CFAP70: variants seen among roughly 807,000 people sequenced by gnomAD.
CFAP70 encodes the protein cilia- and flagella-associated protein 70.
CFAP70 carries 81 observed loss-of-function variants against 137.6 expected under a neutral mutation model. The ratio of observed to expected loss-of-function variants is 0.59; its 90% CI spans 0.49 to 0.71. The LOEUF is 0.71. Among genes scored for constraint, CFAP70 ranks in the 30% least tolerant of loss-of-function variants. The pLI is 0.00. For synonymous variants in CFAP70, 382 were observed against 423.6 expected, an observed-to-expected ratio of 0.90 and a Z score of 1.20; for missense variants, 976 against 1,226.7, an observed-to-expected ratio of 0.80 and a Z score of 3.05.
chr10:73,358,711 T>C (rs2054870432), intron 1 of CFAP70, 67 bp downstream of exon 1: 1 of 152,414 alleles, frequency 6.6e-6, no homozygotes, highest in Non-Finnish European at 1.5e-5. Flanking sequence ...ATCACTGTCT[T>C]ACCTGCAGCA....
rs77159664 is a variant in CFAP70, at chr10:73,291,477, C to T, written c.2021-33G>A. The stretch of plus-strand genomic sequence containing the variant: ...AAGAAAAATGTTGAAATACATATGA[C>T]TATTTTCCCACTATCATATACTAAA... On this transcript the variant is annotated intron_variant, in intron 18 of 26. Transcript: ENST00000310715. 132 of 1,589,576 alleles carry T rather than the reference C, an allele frequency of 8.3e-5. No homozygotes were observed. In the East Asian group the frequency reaches 2.9e-3, roughly 35 times the overall value.
intron 6 of CFAP70, among the ~76,000 whole-genome samples, chr10:73,340,663 G>C (rs113794116): frequency 7.2e-5 from 11 of 152,186 alleles, no homozygotes; most frequent in African/African-American, 2.7e-4. Context: ...TCCCATGCTC[G>C]TGGGTGCCCA....
At chr10:73,341,068 G>A (rs1244654980) in intron 6 of CFAP70, among the ~76,000 whole-genome samples, 1 of 152,236 alleles carries the variant, frequency 6.6e-6, no homozygotes, top group African/African-American at 2.4e-5. Context: ...AGGGTAATGA[G>A]ATGGGGAGGA....
At chr10:73,312,623 C>A (rs1049348527) in exon 10 of CFAP70, 6 of 1,589,424 alleles carry the variant, frequency 3.8e-6, no homozygotes, top group Admixed American at 1.8e-5. Context: ...TATCCCGGAA[C>A]AAGCTCAATA....
At chr10:73,304,583 A>C (rs760490554) in intron 12 of CFAP70, among the ~76,000 whole-genome samples, 11 of 152,214 alleles carry the variant, frequency 7.2e-5, no homozygotes, top group Non-Finnish European at 1.6e-4. Context: ...AATAGCAAAA[A>C]TAAAAAAGTA....
intron 25 of CFAP70, among the ~76,000 whole-genome samples, chr10:73,264,835 C>T (rs568137360): frequency 6.6e-6 from 1 of 152,252 alleles, no homozygotes; most frequent in African/African-American, 2.4e-5. Flanking sequence ...TATGTGGTCT[C>T]CCCATTTCTT....
Position 73,349,059 on chromosome 10 carries a change from C to T in CFAP70, c.251-538G>A, listed in dbSNP as rs537486775. ...CTGGGCAACAAGAGGGAAACTCCGT[C>T]TCAAAAAAAAAAAAAAAAGTAACTG... On this transcript the variant is annotated intron_variant, in intron 3 of 26. Transcript: ENST00000310715. Among the ~76,000 whole-genome samples the T allele has an allele frequency of 4.3e-5, 6 of 140,256 alleles. No homozygotes were observed. In the Admixed American group the frequency reaches 4.3e-4, roughly 10 times the overall value. 92.0% of individuals were successfully genotyped at this position (140,256 alleles called of 152,430 possible).
At chr10:73,309,139 C>G (rs530885260) in intron 12 of CFAP70, among the ~76,000 whole-genome samples, 11 of 151,948 alleles carry the variant, frequency 7.2e-5, no homozygotes, top group Non-Finnish European at 1.2e-4. Flanking sequence ...AAACTTTTAG[C>G]AAGACTGACT....
chr10:73,334,824 C>T (rs962971877), intron 7 of CFAP70, among the ~76,000 whole-genome samples: 12 of 151,368 alleles, frequency 7.9e-5, no homozygotes, highest in Admixed American at 1.3e-4. Context: ...ATGATCCACC[C>T]GCCTCGGCCT....
intron 25 of CFAP70, among the ~76,000 whole-genome samples, chr10:73,264,021 G>T (rs1447115023): frequency 1.3e-5 from 2 of 152,072 alleles, no homozygotes; most frequent in Non-Finnish European, 2.9e-5. Context: ...TATTTATTTG[G>T]ATGCTCAAAT....
At chr10:73,274,323 A>G in intron 23 of CFAP70, 110 bp downstream of exon 24, 5 of 1,244,972 alleles carry the variant, frequency 4.0e-6, no homozygotes, top group South Asian at 1.6e-5. Context: ...CTTTGGATGT[A>G]AAAGTGTCAT....
At chr10:73,308,489 G>C (rs564807113) in intron 12 of CFAP70, among the ~76,000 whole-genome samples, 69 of 151,900 alleles carry the variant, frequency 4.5e-4, no homozygotes, top group Non-Finnish European at 8.8e-4. Flanking sequence ...TTAGCCAGGT[G>C]TGATGGCACA....
At chr10:73,326,020 T>A (rs2132248267) in intron 8 of CFAP70, among the ~76,000 whole-genome samples, 2 of 152,020 alleles carry the variant, frequency 1.3e-5, no homozygotes, top group South Asian at 4.2e-4. Context: ...CCACCCCAAA[T>A]CAACAGAATA....
At chr10:73,287,705 A>AT (rs2047842114) in intron 19 of CFAP70, among the ~76,000 whole-genome samples, 1 of 152,102 alleles carries the variant, frequency 6.6e-6, no homozygotes, top group African/African-American at 2.4e-5. Context: ...GTTAAAGGAG[A>AT]TTTTCAGAAT....
chr10:73,293,425 A>G lies in CFAP70; in HGVS notation c.1645-37T>C, dbSNP rs763628354. 3.3e-6 allele frequency: 5 copies of G among 1,536,608 alleles called. No homozygotes were observed. In the Admixed American group the frequency reaches 1.0e-4, roughly 32 times the overall value. ...CAAGATGTTAGGTAGACAAAAATGAAACAATTACAAGTAGAGAGGTTTCAT... is the reference window on the plus strand; with the variant it reads ...CAAGATGTTAGGTAGACAAAAATGAGACAATTACAAGTAGAGAGGTTTCAT... On this transcript the variant is annotated intron_variant, in intron 15 of 26. Transcript: ENST00000310715.
intron 25 of CFAP70, 151 bp from the exon 27 acceptor site, chr10:73,256,567 T>G (rs2044516910): frequency 1.3e-6 from 1 of 773,662 alleles, no homozygotes; most frequent in Non-Finnish European, 2.1e-6. Context: ...GAGGAAAAAC[T>G]AGCAAATGAA....
chr10:73,316,916 C>A (rs2050437277), intron 9 of CFAP70, among the ~76,000 whole-genome samples: 3 of 152,138 alleles, frequency 2.0e-5, no homozygotes, highest in South Asian at 2.1e-4. Flanking sequence ...GCAACTGATG[C>A]CATTTCCTTT....
chr10:73,291,155 C>A (rs746293675), intron 19 of CFAP70, 71 bp downstream of exon 20: 1 of 1,395,202 alleles, frequency 7.2e-7, no homozygotes, highest in Non-Finnish European at 1.0e-6. Flanking sequence ...GCTAGGACTA[C>A]AGGTGTGAGC....
chr10:73,299,576 T>C (rs200601528), intron 13 of CFAP70, 29 bp downstream of exon 14: 3 of 1,597,810 alleles, frequency 1.9e-6, no homozygotes, highest in Non-Finnish European at 2.6e-6. Flanking sequence ...TCTTATTACT[T>C]ATCATTTCAA....
Sources: allele counts gnomAD v4.1 joint callset (sites outside exome capture counted in the v4.1 genomes callset), GRCh38; gene constraint gnomAD v4.1.1; transcripts MANE v1.5; gene names NCBI Gene and HGNC (gene_info 2026-07-23, HGNC 2026-07-21).